Variants in DVL3 observed in about 807,000 individuals in gnomAD.
The protein encoded by DVL3 is dishevelled segment polarity protein 3, also known as segment polarity protein dishevelled homolog DVL-3.
Under a neutral mutation model 67.4 loss-of-function variants are expected in DVL3, and 27 were observed. The observed-to-expected ratio is 0.40, with a 90% CI of 0.30 to 0.55. The LOEUF is 0.55. DVL3 is among the 20% of genes least tolerant of loss of function. DVL3 has a pLI of 0.46. For synonymous variants in DVL3, 369 were observed against 396.8 expected (o/e 0.93, Z 0.83); for missense variants, 819 against 1,021.5 (o/e 0.80, Z 2.70).
chr3:184,168,464 G>A (rs1328242121), intron 13 of DVL3, among the ~76,000 whole-genome samples: 1 of 152,236 alleles, frequency 6.6e-6, no homozygotes, highest in African/African-American at 2.4e-5. Context: ...GCCCCGAGGA[G>A]CACACAGTCA....
intron 1 of DVL3, among the ~76,000 whole-genome samples, chr3:184,160,343 G>A (rs1483153662): frequency 6.6e-6 from 1 of 152,118 alleles, no homozygotes; most frequent in Non-Finnish European, 1.5e-5. Flanking sequence ...AATAGTGTAT[G>A]GATCCTGCTA....
chr3:184,162,560 C>CTTTTTTTTTTTTTTTTTTTTT (rs35869796), intron 1 of DVL3, among the ~76,000 whole-genome samples: 2 of 123,516 alleles, frequency 1.6e-5, no homozygotes, highest in Non-Finnish European at 3.3e-5. Context: ...TTTTTCTTTT[C>CTTTTTTTTTTTTTTTTTTTTT]TTTTTTTTTT....
rs1714467310 is a variant in DVL3 at position 184,163,886 on chromosome 3, T to C, written c.231+160T>C. ...TTCTCACCCCAGATTCTGTAACCTT[T>C]GATGAAAAGTGAGAAATTAGTGGGA... On this transcript the variant is annotated intron_variant, in intron 2 of 14. Transcript: ENST00000313143. The surrounding 1 kb of genome is among the most constrained non-coding windows in gnomAD (Gnocchi z 4.5). 6.6e-6 allele frequency among the ~76,000 whole-genome samples: 1 copy of C among 152,152 alleles called. No individual in the cohort carries two copies. The highest frequency in any genetic ancestry group is 6.6e-5 in the Admixed American group (1 of 15,258).
chr3:184,169,447 C>G (rs1372730391), intron 13 of DVL3, among the ~76,000 whole-genome samples: 1 of 152,132 alleles, frequency 6.6e-6, no homozygotes, highest in Non-Finnish European at 1.5e-5. Context: ...GTAATCCCAG[C>G]CTTTTGGGAG....
At position 184,164,302 on chromosome 3, in the gene DVL3, C is replaced by T. The variant is rs750073787; in HGVS notation, c.267C>T (p.Ala89=). 1 of 1,614,160 alleles carries T rather than the reference C, an allele frequency of 6.2e-7. No homozygotes were observed. Among genetic ancestry groups the T allele is most frequent in the Non-Finnish European group, 8.5e-7 (1 of 1,180,008 alleles). ...VSAEGSHPDP[A]PFCADNPSEL... Reference sequence around the variant, plus strand: ...CTGAGGGCTCACACCCAGACCCAGCCCCCTTCTGTGCTGATAACCCATCGG... The same window carrying T: ...CTGAGGGCTCACACCCAGACCCAGCTCCCTTCTGTGCTGATAACCCATCGG... The change falls in exon 3 of 15, where the codon GCC becomes GCT. Residue 89 remains alanine, a synonymous_variant. Coordinates refer to ENST00000313143, the MANE Select transcript of DVL3 (RefSeq NM_004423.4). This position sits in a 1 kb window ranked among gnomAD's most constrained non-coding sequence, Gnocchi z 5.3.
rs1023754752 is a variant in DVL3 at position 184,160,088 on chromosome 3, C to T, written c.162-3569C>T. 5.3e-5 allele frequency among the ~76,000 whole-genome samples: 8 copies of T among 150,780 alleles called. No homozygotes were observed. The South Asian group carries it at 6.4e-4, about 12-fold the overall frequency. ...CCGAGTAGCTGGGACTACAGGTGCC[C>T]GCCACCACGCCCTGCTAATTTTTTT... is the stretch of plus-strand genomic sequence containing the variant. On this transcript the variant is annotated intron_variant, in intron 1 of 14. Transcript: ENST00000313143.
Position 184,166,579 on chromosome 3 carries a change from C to T in DVL3, c.981-27C>T. On this transcript the variant is annotated intron_variant, in intron 9 of 14. Coordinates refer to ENST00000313143, the MANE Select transcript of DVL3 (RefSeq NM_004423.4). This position sits in a 1 kb window ranked among gnomAD's most constrained non-coding sequence, Gnocchi z 6.7. The stretch of plus-strand genomic sequence containing the variant: ...CTTGGTCTGGCCTATACGCATCCTG[C>T]CTTCACTAGGACACCCTTGTTTTCA... 1.9e-6 allele frequency: 3 copies of T among 1,614,202 alleles called. No homozygotes were observed. Among genetic ancestry groups the T allele is most frequent in the Non-Finnish European group, 2.5e-6 (3 of 1,180,038 alleles).
Position 184,155,834 on chromosome 3 carries a change from C to T in DVL3, c.161+38C>T. ...CCCGCCCCGCCTCCGGGAGCCCCGG[C>T]CGCTCTGGCTTCTAAGGGATGACGC... On this transcript the variant is annotated intron_variant, in intron 1 of 14. Transcript: ENST00000313143. This position sits in a 1 kb window ranked among gnomAD's most constrained non-coding sequence, Gnocchi z 5.4. The T allele has an allele frequency of 6.4e-7, 1 of 1,574,014 alleles. No individual in the cohort carries two copies. The highest frequency in any genetic ancestry group is 8.6e-7 in the Non-Finnish European group (1 of 1,160,884).
chr3:184,156,827 G>C (rs185769324), intron 1 of DVL3: 3 of 273,592 alleles, frequency 1.1e-5, no homozygotes, highest in Non-Finnish European at 2.2e-5. Context: ...GGTGGGGAAG[G>C]CCCCTCCAGG....
chr3:184,165,530 A>C lies in DVL3; in HGVS notation c.763+39A>C. The stretch of plus-strand genomic sequence containing the variant: ...AACAGCACTCTCAAGCACCTGCTAT[A>C]TGCCAGACACTGGGCAGACTTGAGT... On this transcript the variant is annotated intron_variant, in intron 7 of 14. Coordinates refer to ENST00000313143, the MANE Select transcript of DVL3 (RefSeq NM_004423.4). The surrounding 1 kb of genome is among the most constrained non-coding windows in gnomAD (Gnocchi z 4.1). 6.4e-7 allele frequency: 1 copy of C among 1,574,786 alleles called. No homozygotes were observed. The highest frequency in any genetic ancestry group is 8.7e-7 in the Non-Finnish European group (1 of 1,144,418).
chr3:184,155,679 C>T lies in DVL3; in HGVS notation c.44C>T (p.Thr15Met), dbSNP rs1714156705. ...ATCTACCACTTGGATGGGCAGGAGA[C>T]GCCGTACCTTGTGAAGCTGCCCCTG... is the stretch of plus-strand genomic sequence containing the variant. ...KIIYHLDGQE[T>M]PYLVKLPLPA... The change falls in exon 1 of 15, where the codon ACG (threonine) becomes ATG (methionine). Residue 15 changes from threonine to methionine, a missense_variant. Thr to Met is a moderately conservative substitution (Grantham distance 81, BLOSUM62 -1). Coordinates refer to ENST00000313143, the MANE Select transcript of DVL3 (RefSeq NM_004423.4). This position sits in a 1 kb window ranked among gnomAD's most constrained non-coding sequence, Gnocchi z 5.4. The T allele has an allele frequency of 3.1e-6, 5 of 1,611,968 alleles. No homozygotes were observed. The highest frequency in any genetic ancestry group is 4.2e-6 in the Non-Finnish European group (5 of 1,179,518).
Position 184,171,367 on chromosome 3 carries a change from C to T in DVL3, c.*612C>T, listed in dbSNP as rs2109024581. 1 of 1,001,290 alleles carries T rather than the reference C, an allele frequency of 1.0e-6. No homozygotes were observed. Among genetic ancestry groups the T allele is most frequent in the East Asian group, 1.1e-4 (1 of 8,960 alleles). 62.0% of individuals were successfully genotyped at this position (1,001,290 alleles called of 1,614,324 possible). A position where few individuals can be genotyped will look rare whatever the true frequency, so the allele number is the denominator to read the frequency against. On this transcript the variant is annotated 3_prime_UTR_variant, in exon 15 of 15. Coordinates refer to ENST00000313143, the MANE Select transcript of DVL3 (RefSeq NM_004423.4). ...CCCTGCCTGTGCCTAGATCAGAGGC[C>T]CAGAGGGCCCCCTCAGTTGCCTGAG... is the stretch of plus-strand genomic sequence containing the variant.
chr3:184,169,896 C>T (rs908081707), intron 13 of DVL3, 110 bp from the exon 14 acceptor site: 1 of 1,037,480 alleles, frequency 9.6e-7, no homozygotes, highest in East Asian at 2.6e-5. Flanking sequence ...TGTGCCTCCT[C>T]TCATTCTAGC....
At position 184,167,787 on chromosome 3, in the gene DVL3, G is replaced by A; in HGVS notation, c.1330+76G>A. 6.3e-7 allele frequency: 1 copy of A among 1,593,366 alleles called. No homozygotes were observed. On this transcript the variant is annotated intron_variant, in intron 12 of 14. Coordinates refer to ENST00000313143, the MANE Select transcript of DVL3 (RefSeq NM_004423.4). This position sits in a 1 kb window ranked among gnomAD's most constrained non-coding sequence, Gnocchi z 4.6. ...GGGCAGGCCGGAGGGCCCAGGACTT[G>A]CCTTGGACCCTTCCTTTGATCTGGA...
intron 1 of DVL3, among the ~76,000 whole-genome samples, chr3:184,156,096 C>T (rs1714175282): frequency 6.6e-6 from 1 of 152,178 alleles, no homozygotes; most frequent in South Asian, 2.1e-4. Context: ...CAGAGACAGA[C>T]ACACCCCCCC....
Position 184,171,683 on chromosome 3 carries a change from C to T in DVL3, c.*928C>T. The stretch of plus-strand genomic sequence containing the variant: ...CTCAGGGCTTCCCAAGGATGTCCAG[C>T]CCCCACACCCACACGTTAACATAAT... On this transcript the variant is annotated 3_prime_UTR_variant, in exon 15 of 15. Transcript: ENST00000313143. The T allele has an allele frequency of 1.3e-6, 1 of 781,302 alleles. No homozygotes were observed. The highest frequency in any genetic ancestry group is 1.6e-6 in the Non-Finnish European group (1 of 642,982). 48.4% of individuals were successfully genotyped at this position (781,302 alleles called of 1,614,324 possible). A position where few individuals can be genotyped will look rare whatever the true frequency, so the allele number is the denominator to read the frequency against.
In DVL3 at chr3:184,166,017, C is replaced by G. The variant is rs1003114622; in HGVS notation, c.764-109C>G. On this transcript the variant is annotated intron_variant, in intron 7 of 14. Coordinates refer to ENST00000313143, the MANE Select transcript of DVL3 (RefSeq NM_004423.4). This position sits in a 1 kb window ranked among gnomAD's most constrained non-coding sequence, Gnocchi z 6.7. ...AGCATGCTGAGTGCAGTGCCTGATTCAGGATCAGCAAATGTCAGTTCAGTT... is the reference window on the plus strand; with the variant it reads ...AGCATGCTGAGTGCAGTGCCTGATTGAGGATCAGCAAATGTCAGTTCAGTT... 3.7e-6 allele frequency: 5 copies of G among 1,362,890 alleles called. No individual in the cohort carries two copies. The highest frequency in any genetic ancestry group is 2.2e-5 in the Admixed American group (1 of 45,606). The allele number at this position is 1,362,890 out of a possible 1,614,324, so 84.4% of individuals were successfully genotyped here.
chr3:184,163,588 G>A lies in DVL3; in HGVS notation c.162-69G>A. On this transcript the variant is annotated intron_variant, in intron 1 of 14. Transcript: ENST00000313143. This position sits in a 1 kb window ranked among gnomAD's most constrained non-coding sequence, Gnocchi z 4.5. ...CAGTTTAGGATGGAGGAGCCCCTGA[G>A]AGTTGGGATTTGAGGATCCTCCATT... 1.5e-6 allele frequency: 2 copies of A among 1,335,604 alleles called. No individual in the cohort carries two copies. The highest frequency in any genetic ancestry group is 2.2e-6 in the Non-Finnish European group (2 of 925,746). 82.7% of individuals were successfully genotyped at this position (1,335,604 alleles called of 1,614,324 possible).
rs3749231 is a variant in DVL3 at position 184,171,549 on chromosome 3, A to T, written c.*794A>T. 0.53 allele frequency: 517,946 copies of T among 985,622 alleles called. 136,731 individuals carry two copies. The highest frequency in any genetic ancestry group is 0.63 in the African/African-American group (35,973 of 57,246). 61.1% of individuals were successfully genotyped at this position (985,622 alleles called of 1,614,324 possible). A position where few individuals can be genotyped will look rare whatever the true frequency, so the allele number is the denominator to read the frequency against. The stretch of plus-strand genomic sequence containing the variant: ...TCTTTCTTTTTTCCTCCCCCAATTT[A>T]CCCTGGGCCTGGAGCAGCCAAGAAT... On this transcript the variant is annotated 3_prime_UTR_variant, in exon 15 of 15. Coordinates refer to ENST00000313143, the MANE Select transcript of DVL3 (RefSeq NM_004423.4).
Sources: gnomAD v4.1 joint callset for allele counts (sites outside exome capture counted in the v4.1 genomes callset) on GRCh38, gnomAD v4.1.1 for gene constraint, Gnocchi (gnomAD v3.1) non-coding constraint, MANE v1.5 for transcripts, NCBI Gene and HGNC (gene_info 2026-07-23, HGNC 2026-07-21) for gene names.